The following DCC variants were observed in gnomAD, a reference collection of about 807,000 sequenced individuals.
DCC encodes the protein netrin receptor DCC.
A neutral mutation model predicts 172.5 loss-of-function variants in DCC; 58 were observed. That is an observed-to-expected ratio of 0.34 (90% CI 0.27 to 0.42). DCC has a LOEUF of 0.42. DCC is among the 10% of genes least tolerant of loss of function. The pLI is 1.00. For missense variants in DCC, 1,740 were observed against 1,791.0 expected, an observed-to-expected ratio of 0.97 and a Z score of 0.51; for synonymous variants, 709 against 644.5, an observed-to-expected ratio of 1.10 and a Z score of -1.52.
At chr18:53,372,113 A>T (rs8097340) in intron 15 of DCC, among the ~76,000 whole-genome samples, 83,603 of 151,502 alleles carry the variant, frequency 0.55, 23,812 homozygotes, top group Non-Finnish European at 0.64. Flanking sequence ...TATTACTGGA[A>T]ATATACACAA....
At chr18:53,124,494 C>G (rs1441251535) in intron 7 of DCC, among the ~76,000 whole-genome samples, 1 of 152,002 alleles carries the variant, frequency 6.6e-6, no homozygotes, top group African/African-American at 2.4e-5. Context: ...GGAAAATTTG[C>G]CCCCTGCTTG....
intron 1 of DCC, among the ~76,000 whole-genome samples, chr18:52,529,518 C>T (rs1032382496): frequency 6.6e-6 from 1 of 152,206 alleles, no homozygotes; most frequent in Non-Finnish European, 1.5e-5. Context: ...TCTCGATCTC[C>T]TGACCTCGTG....
intron 15 of DCC, among the ~76,000 whole-genome samples, chr18:53,367,216 G>C (rs1255147521): frequency 6.6e-6 from 1 of 151,248 alleles, no homozygotes; most frequent in East Asian, 1.9e-4. Context: ...TTTTTATTTT[G>C]AGCCACATTA....
At chr18:53,396,378 T>G (rs916438148) in intron 17 of DCC, among the ~76,000 whole-genome samples, 3 of 152,212 alleles carry the variant, frequency 2.0e-5, no homozygotes, top group African/African-American at 7.2e-5. Context: ...ATTACCCGTT[T>G]TGGTATTTTG....
chr18:53,151,191 C>G (rs143372196), intron 7 of DCC, among the ~76,000 whole-genome samples: 3,037 of 152,262 alleles, frequency 0.02, 38 homozygotes, highest in Middle Eastern at 0.027. Context: ...TTCCATAGCA[C>G]TATTATTATG....
At chr18:53,291,229 C>A (rs891099233) in intron 12 of DCC, among the ~76,000 whole-genome samples, 6 of 151,160 alleles carry the variant, frequency 4.0e-5, no homozygotes, top group Non-Finnish European at 8.8e-5. Flanking sequence ...TCATTTTTTT[C>A]TCTGATTAAG....
At chr18:52,981,189 T>G (rs1441045945) in intron 5 of DCC, among the ~76,000 whole-genome samples, 1 of 152,166 alleles carries the variant, frequency 6.6e-6, no homozygotes, top group Non-Finnish European at 1.5e-5. Context: ...AATTATTTTA[T>G]ATTCTGATTT....
intron 15 of DCC, among the ~76,000 whole-genome samples, chr18:53,353,965 A>G (rs1001732521): frequency 2.6e-5 from 4 of 151,998 alleles, no homozygotes; most frequent in South Asian, 2.1e-4. Context: ...TCCTGTGTCC[A>G]AGTGTTCTCG....
In DCC at chr18:53,468,056, T is replaced by A; in HGVS notation, c.3736+46T>A. 3 of 914,274 alleles carry A rather than the reference T, an allele frequency of 3.3e-6. No individual in the cohort carries two copies. In the South Asian group the frequency reaches 3.9e-5, roughly 12 times the overall value. 56.6% of individuals were successfully genotyped at this position (914,274 alleles called of 1,614,324 possible). A position where few individuals can be genotyped will look rare whatever the true frequency, so the allele number is the denominator to read the frequency against. ...CAATGAAGAAATGAAATGCTTTCTG[T>A]ATGTATCTTTTCTATAAAAAATCAA... is the stretch of plus-strand genomic sequence containing the variant. On this transcript the variant is annotated intron_variant, in intron 25 of 28. Coordinates refer to ENST00000442544, the MANE Select transcript of DCC (RefSeq NM_005215.4).
At chr18:52,811,671 A>C (rs1344129983) in intron 2 of DCC, among the ~76,000 whole-genome samples, 1 of 152,202 alleles carries the variant, frequency 6.6e-6, no homozygotes, top group Non-Finnish European at 1.5e-5. Context: ...ACATAAAAAG[A>C]ATTGATATTA....
chr18:53,129,103 T>C (rs1598830774), intron 7 of DCC, among the ~76,000 whole-genome samples: 1 of 151,752 alleles, frequency 6.6e-6, no homozygotes, highest in South Asian at 2.1e-4. Context: ...GCCAGGCTGG[T>C]CTCAAACTCC....
intron 1 of DCC, among the ~76,000 whole-genome samples, chr18:52,365,838 C>T (rs912290101): frequency 6.6e-6 from 1 of 152,144 alleles, no homozygotes; most frequent in South Asian, 2.1e-4. Context: ...CACAAAACAG[C>T]CATAGCCAAT....
intron 1 of DCC, among the ~76,000 whole-genome samples, chr18:52,654,483 A>T (rs943170863): frequency 7.2e-5 from 11 of 152,042 alleles, no homozygotes; most frequent in Admixed American, 7.2e-4. Flanking sequence ...CTGACATCCA[A>T]CTCAAGGTAT....
intron 7 of DCC, among the ~76,000 whole-genome samples, chr18:53,074,341 A>G (rs896930133): frequency 3.9e-5 from 6 of 152,174 alleles, no homozygotes; most frequent in Non-Finnish European, 7.4e-5. Context: ...CGTTAACACT[A>G]CAAAATTCCT....
At chr18:52,976,735 T>G (rs2041125465) in intron 5 of DCC, among the ~76,000 whole-genome samples, 1 of 152,224 alleles carries the variant, frequency 6.6e-6, no homozygotes, top group Admixed American at 6.5e-5. Flanking sequence ...CCTGAGGATA[T>G]TCTATTCTGA....
At chr18:52,965,842 T>C (rs979113248) in intron 5 of DCC, among the ~76,000 whole-genome samples, 4 of 152,246 alleles carry the variant, frequency 2.6e-5, no homozygotes, top group African/African-American at 9.6e-5. Flanking sequence ...TTCCACTGGA[T>C]CCATTAGCTC....
At chr18:53,397,024 A>G (rs903364973) in intron 17 of DCC, among the ~76,000 whole-genome samples, 1 of 151,698 alleles carries the variant, frequency 6.6e-6, no homozygotes, top group Non-Finnish European at 1.5e-5. Context: ...ATATGCTTTA[A>G]CCTATTAGAC....
rs1359315514 is a variant in DCC at position 52,899,480 on chromosome 18, A to T, written c.413-6564A>T. The stretch of plus-strand genomic sequence containing the variant: ...GTGATTCTCCTGCCTCAGCCTCCCA[A>T]GTAGCTGGGGTTACAGACATGTACC... On this transcript the variant is annotated intron_variant, in intron 2 of 28. Transcript: ENST00000442544. Among the ~76,000 whole-genome samples the T allele has an allele frequency of 8.0e-5, 12 of 150,436 alleles. No homozygotes were observed. In the Admixed American group the frequency reaches 8.0e-4, roughly 10 times the overall value.
intron 15 of DCC, among the ~76,000 whole-genome samples, chr18:53,379,573 G>T (rs537053992): frequency 6.6e-6 from 1 of 152,174 alleles, no homozygotes; most frequent in East Asian, 1.9e-4. Context: ...AGAATAATGG[G>T]TCTCTCACCT....
Sources: gnomAD v4.1 joint callset for allele counts (sites outside exome capture counted in the v4.1 genomes callset) on GRCh38, gnomAD v4.1.1 for gene constraint, MANE v1.5 for transcripts, NCBI Gene and HGNC (gene_info 2026-07-23, HGNC 2026-07-21) for gene names.